Variants in EVC2 observed in about 807,000 individuals in gnomAD.
The protein encoded by EVC2 is EvC ciliary complex subunit 2.
A neutral mutation model predicts 149.3 loss-of-function variants in EVC2; 148 were observed. The observed-to-expected ratio is 0.99, with a 90% confidence interval of 0.87 to 1.14. The LOEUF (loss-of-function observed/expected upper bound fraction) is 1.14. Ranked by LOEUF, EVC2 falls within the 50% of genes most tolerant of loss-of-function variation. EVC2 has a pLI of 0.00. For synonymous variants in EVC2, 776 were observed against 649.9 expected, an observed-to-expected ratio of 1.19 and a Z score of -2.95; for missense variants, 1,854 against 1,627.3, an observed-to-expected ratio of 1.14 and a Z score of -2.40.
intron 18 of EVC2, among the ~76,000 whole-genome samples, chr4:5,575,235 C>T (rs1722850899): frequency 6.6e-6 from 1 of 152,222 alleles, no homozygotes; most frequent in Admixed American, 6.5e-5. Context: ...CATGCCTTAG[C>T]TAATGCAAGT....
At chr4:5,655,883 C>T (rs1484063134) in intron 9 of EVC2, among the ~76,000 whole-genome samples, 3 of 152,042 alleles carry the variant, frequency 2.0e-5, no homozygotes, top group South Asian at 2.1e-4. Flanking sequence ...CTGACCACCA[C>T]CCCACAAGGA....
At chr4:5,584,573 C>T in intron 17 of EVC2, 50 bp downstream of exon 17, 2 of 1,563,948 alleles carry the variant, frequency 1.3e-6, no homozygotes, top group South Asian at 2.3e-5. Context: ...GAGGTAGGTA[C>T]CAGAAAGACC....
intron 9 of EVC2, among the ~76,000 whole-genome samples, chr4:5,646,048 C>A (rs1458021984): frequency 6.6e-6 from 1 of 152,148 alleles, no homozygotes; most frequent in Non-Finnish European, 1.5e-5. Context: ...TCCTGAGCCT[C>A]CGCCTCCTGA....
At chr4:5,687,206 G>A (rs866861824) in intron 5 of EVC2, among the ~76,000 whole-genome samples, 1 of 152,202 alleles carries the variant, frequency 6.6e-6, no homozygotes, top group Non-Finnish European at 1.5e-5. Context: ...GCAGTGAGCC[G>A]AGATTGTGCC....
At chr4:5,675,493 T>C (rs1422428681) in intron 7 of EVC2, among the ~76,000 whole-genome samples, 1 of 152,236 alleles carries the variant, frequency 6.6e-6, no homozygotes, top group Non-Finnish European at 1.5e-5. Context: ...AGCAGTCAAA[T>C]GCTGCATTAA....
At chr4:5,556,946 A>G (rs1721851359) in intron 21 of EVC2, among the ~76,000 whole-genome samples, 1 of 152,142 alleles carries the variant, frequency 6.6e-6, no homozygotes, top group African/African-American at 2.4e-5. Context: ...TACCCTTCCA[A>G]GAAAAGAAAG....
intron 9 of EVC2, among the ~76,000 whole-genome samples, chr4:5,642,003 T>C (rs1234276496): frequency 6.6e-6 from 1 of 152,178 alleles, no homozygotes; most frequent in South Asian, 2.1e-4. Context: ...TATGTTCTCA[T>C]TGTTCAACTC....
chr4:5,530,249 G>A, the EVC2 span, among the ~76,000 whole-genome samples: 2 of 152,132 alleles, frequency 1.3e-5, no homozygotes, highest in African/African-American at 4.8e-5. Flanking sequence ...AAAATCCCAA[G>A]GGGTTTCAAG....
At chr4:5,701,110 T>C (rs1394837229) in intron 1 of EVC2, among the ~76,000 whole-genome samples, 1 of 152,178 alleles carries the variant, frequency 6.6e-6, no homozygotes, top group Non-Finnish European at 1.5e-5. Context: ...ACTGCTGCGT[T>C]CCTTAAGTTC....
At chr4:5,702,489 C>G (rs563262866) in intron 1 of EVC2, among the ~76,000 whole-genome samples, 10 of 152,322 alleles carry the variant, frequency 6.6e-5, no homozygotes, top group Admixed American at 2.0e-4. Flanking sequence ...TCTGCTAACC[C>G]TCCACTGCCT....
upstream of EVC2, chr4:5,708,618 C>A (rs775380457): frequency 4.6e-5 from 38 of 821,392 alleles, no homozygotes; most frequent in South Asian, 1.0e-3. Flanking sequence ...TGCGAGCCGC[C>A]GCCGAAAGTT....
At chr4:5,537,501 A>C in the EVC2 span, among the ~76,000 whole-genome samples, 1 of 152,228 alleles carries the variant, frequency 6.6e-6, no homozygotes, top group Non-Finnish European at 1.5e-5. Context: ...TCTTGTCTCA[A>C]TAGTGGGGAA....
chr4:5,687,081 A>G (rs1463491203), intron 5 of EVC2, among the ~76,000 whole-genome samples: 1 of 151,756 alleles, frequency 6.6e-6, no homozygotes, highest in Non-Finnish European at 1.5e-5. Context: ...ATATGGTAAA[A>G]TCCTGTCTCT....
chr4:5,534,818 GAAAAAA>G, the EVC2 span, among the ~76,000 whole-genome samples: 1 of 66,886 alleles, frequency 1.5e-5, no homozygotes, highest in Non-Finnish European at 3.1e-5. Context: ...CATCTGGTAG[GAAAAAA>G]AAAAAAAAAA....
chr4:5,673,618 C>T lies in EVC2; in HGVS notation c.870+7642G>A, dbSNP rs1296271464. Among the ~76,000 whole-genome samples the T allele has an allele frequency of 5.3e-5, 8 of 152,346 alleles. No individual in the cohort carries two copies. The South Asian group carries it at 6.2e-4, about 12-fold the overall frequency. Reference sequence around the variant, plus strand: ...CTTGTCTCTGGAAAAGAATCATCCACGATTACCACCCTTTAATCACATATT... The same window carrying T: ...CTTGTCTCTGGAAAAGAATCATCCATGATTACCACCCTTTAATCACATATT... On this transcript the variant is annotated intron_variant, in intron 7 of 21. Transcript: ENST00000344408.
chr4:5,625,653 T>C lies in EVC2; in HGVS notation c.2046+96A>G. 1 of 1,530,466 alleles carries C rather than the reference T, an allele frequency of 6.5e-7. No homozygotes were observed. The highest frequency in any genetic ancestry group is 9.0e-7 in the Non-Finnish European group (1 of 1,114,378). The allele number at this position is 1,530,466 out of a possible 1,614,324, so 94.8% of individuals were successfully genotyped here. On this transcript the variant is annotated intron_variant, in intron 13 of 21. Transcript: ENST00000344408. The surrounding 1 kb of genome is among the most constrained non-coding windows in gnomAD (Gnocchi z 4.0). ...GCCTGCCCAGCTGCCCTTCTGATCC[T>C]AGTTCACCAATGGCAATGTCTGGCA... is the stretch of plus-strand genomic sequence containing the variant.
chr4:5,693,120 T>C (rs183129141), intron 3 of EVC2, among the ~76,000 whole-genome samples: 2 of 152,216 alleles, frequency 1.3e-5, no homozygotes, highest in East Asian at 1.9e-4. Context: ...AACTGATAAA[T>C]ACAGCTTGTG....
At chr4:5,559,472 C>G (rs993913543), downstream of EVC2, among the ~76,000 whole-genome samples, 15 of 152,180 alleles carry the variant, frequency 9.9e-5, no homozygotes, top group African/African-American at 3.4e-4. The surrounding 1 kb of genome is among the most constrained non-coding windows in gnomAD (Gnocchi z 5.0). Flanking sequence ...TAATACCATT[C>G]TCCAACAAAA....
intron 1 of EVC2, among the ~76,000 whole-genome samples, chr4:5,705,174 C>A (rs13147440): frequency 0.16 from 23,829 of 152,148 alleles, 2,442 homozygotes; most frequent in East Asian, 0.33. Flanking sequence ...ACCTAAATTA[C>A]TGTTGTGTGG....
Sources: gnomAD v4.1 joint callset for allele counts (sites outside exome capture counted in the v4.1 genomes callset) on GRCh38, gnomAD v4.1.1 for gene constraint, Gnocchi (gnomAD v3.1) non-coding constraint, MANE v1.5 for transcripts, NCBI Gene and HGNC (gene_info 2026-07-23, HGNC 2026-07-21) for gene names.